DSCAM: variants seen among roughly 807,000 people sequenced by gnomAD.
DSCAM encodes cell adhesion molecule DSCAM.
Under a neutral mutation model 217.7 loss-of-function variants are expected in DSCAM, and 47 were observed. The observed-to-expected ratio is 0.22, with a 90% CI of 0.17 to 0.28. The LOEUF (loss-of-function observed/expected upper bound fraction) is 0.28, where lower values mean the gene tolerates loss of function less well. Ranked by LOEUF, DSCAM falls within the 10% of genes least tolerant of loss-of-function variation. The probability of loss-of-function intolerance (pLI) is 1.00; values close to 1 mark genes in which losing one functional copy is unlikely to be tolerated. For missense variants in DSCAM, 2,080 were observed against 2,618.3 expected (o/e 0.79, Z 4.49); for synonymous variants, 1,056 against 1,015.3 (o/e 1.04, Z -0.76).
chr21:40,837,783 G>A lies in DSCAM; in HGVS notation c.43+8836C>T, dbSNP rs114356185. Among the ~76,000 whole-genome samples, 1,168 of 152,282 alleles carry A rather than the reference G, an allele frequency of 7.7e-3. 23 individuals carry two copies. The highest frequency in any genetic ancestry group is 0.022 in the African/African-American group (897 of 41,560). On this transcript the variant is annotated intron_variant, in intron 1 of 32. Transcript: ENST00000400454. ...GAGTGATAAAGTAGTCATGGTTCCC[G>A]TTTTGCTGGTAGAGGCCATTGTTGT...
intron 8 of DSCAM, among the ~76,000 whole-genome samples, chr21:40,317,894 CAT>C (rs1413466837): frequency 4.6e-5 from 7 of 152,160 alleles, no homozygotes; most frequent in East Asian, 3.9e-4. Flanking sequence ...TGATGATGAA[CAT>C]ATGTTTACAC....
intron 32 of DSCAM, among the ~76,000 whole-genome samples, chr21:40,040,749 A>C (rs2088732176): frequency 6.6e-6 from 1 of 152,238 alleles, no homozygotes; most frequent in South Asian, 2.1e-4. Context: ...CACAGTCACC[A>C]ACGCCATTCC....
chr21:40,143,332 A>G (rs2090315089), intron 17 of DSCAM, among the ~76,000 whole-genome samples: 1 of 152,216 alleles, frequency 6.6e-6, no homozygotes, highest in South Asian at 2.1e-4. Context: ...TGAGACACGC[A>G]TCTTAATGAA....
intron 3 of DSCAM, among the ~76,000 whole-genome samples, chr21:40,547,167 C>A (rs899077296): frequency 6.6e-6 from 1 of 152,168 alleles, no homozygotes; most frequent in Non-Finnish European, 1.5e-5. Flanking sequence ...ACCCCACTGT[C>A]CCCCGGTGTA....
At chr21:40,257,173 TCATA>T (rs1322241773) in intron 11 of DSCAM, among the ~76,000 whole-genome samples, 1 of 152,148 alleles carries the variant, frequency 6.6e-6, no homozygotes, top group African/African-American at 2.4e-5. Context: ...CAGGAACCCC[TCATA>T]CAGGATACAA....
intron 16 of DSCAM, among the ~76,000 whole-genome samples, chr21:40,156,914 GC>G (rs1386696991): frequency 6.6e-6 from 1 of 152,090 alleles, no homozygotes; most frequent in Non-Finnish European, 1.5e-5. Flanking sequence ...GGCGGGAGGG[GC>G]TAGCCTTGTC....
At chr21:40,040,574 G>A (rs1255683986) in intron 32 of DSCAM, among the ~76,000 whole-genome samples, 1 of 134,372 alleles carries the variant, frequency 7.4e-6, no homozygotes, top group East Asian at 2.0e-4. Context: ...GTGGTCACTG[G>A]AGAAAAATAA....
chr21:40,119,908 T>C (rs760514949), intron 20 of DSCAM, among the ~76,000 whole-genome samples: 8 of 152,032 alleles, frequency 5.3e-5, no homozygotes, highest in Non-Finnish European at 1.0e-4. Flanking sequence ...TATACCACTT[T>C]TCCACTCCTT....
At chr21:40,286,130 G>C (rs1488550772) in intron 10 of DSCAM, among the ~76,000 whole-genome samples, 1 of 152,162 alleles carries the variant, frequency 6.6e-6, no homozygotes, top group African/African-American at 2.4e-5. Context: ...GCCTCCACCA[G>C]GTCAGGCTTG....
At chr21:40,750,340 G>C (rs527978599) in intron 1 of DSCAM, among the ~76,000 whole-genome samples, 1 of 152,294 alleles carries the variant, frequency 6.6e-6, no homozygotes, top group African/African-American at 2.4e-5. Context: ...GTGTTTTGCT[G>C]TAGCAGTGAT....
intron 3 of DSCAM, among the ~76,000 whole-genome samples, chr21:40,389,923 G>A (rs747502159): frequency 7.9e-5 from 12 of 152,216 alleles, no homozygotes; most frequent in African/African-American, 9.6e-5. Context: ...CTAAGAGGAC[G>A]TATTGTGTGG....
At chr21:40,617,004 A>G (rs11909442) in intron 3 of DSCAM, among the ~76,000 whole-genome samples, 48,582 of 122,142 alleles carry the variant, frequency 0.4, 10,668 homozygotes, top group East Asian at 0.53. Context: ...GCGACAGAGC[A>G]AGACTCCGTC....
chr21:40,760,397 T>A (rs1383405498), intron 1 of DSCAM, among the ~76,000 whole-genome samples: 1 of 152,178 alleles, frequency 6.6e-6, no homozygotes, highest in African/African-American at 2.4e-5. Context: ...TTTTACATCA[T>A]GAAACTGAGG....
intron 9 of DSCAM, among the ~76,000 whole-genome samples, chr21:40,301,610 T>A (rs2074015657): frequency 6.6e-6 from 1 of 152,222 alleles, no homozygotes; most frequent in African/African-American, 2.4e-5. Flanking sequence ...TTTATTACGC[T>A]CATCTGGTAT....
intron 3 of DSCAM, among the ~76,000 whole-genome samples, chr21:40,405,521 A>G (rs2083432643): frequency 6.6e-6 from 1 of 152,206 alleles, no homozygotes; most frequent in South Asian, 2.1e-4. Flanking sequence ...TCAAACTAAA[A>G]AGCTTCTGCA....
intron 18 of DSCAM, among the ~76,000 whole-genome samples, chr21:40,138,352 G>A (rs1401490507): frequency 1.5e-5 from 2 of 133,296 alleles, no homozygotes; most frequent in Admixed American, 1.8e-4. Flanking sequence ...GGTATATGTT[G>A]TGAGTAGCAT....
chr21:40,133,878 T>A lies in DSCAM; in HGVS notation c.3538A>T (p.Ile1180Phe). The change falls in exon 19 of 33, where the codon ATC (isoleucine) becomes TTC (phenylalanine). Residue 1180 changes from isoleucine to phenylalanine, a missense_variant. Physicochemically the swap from Ile to Phe is conservative, Grantham distance 21. Transcript: ENST00000400454. ...CCATCCTCTTTGGTCCGGGTGAAGA[T>A]CTGCTCACTCCTGACCCCGTCTCCT... ...RAGDGVRSEQ[I>F]FTRTKEDVPG... 6.2e-7 allele frequency: 1 copy of A among 1,610,702 alleles called. No individual in the cohort carries two copies. The highest frequency in any genetic ancestry group is 2.2e-5 in the East Asian group (1 of 44,582).
intron 20 of DSCAM, among the ~76,000 whole-genome samples, chr21:40,120,343 G>A (rs17828614): frequency 0.06 from 9,099 of 152,118 alleles, 342 homozygotes; most frequent in East Asian, 0.093. Context: ...TCTAAGCTCC[G>A]CAAATGAGAT....
chr21:40,772,565 C>T (rs1268471457), intron 1 of DSCAM, among the ~76,000 whole-genome samples: 3 of 152,192 alleles, frequency 2.0e-5, no homozygotes, highest in African/African-American at 7.2e-5. Context: ...GCATAGAGCT[C>T]AGGCAGTTTT....
Sources: gnomAD v4.1 joint callset for allele counts (sites outside exome capture counted in the v4.1 genomes callset) on GRCh38, gnomAD v4.1.1 for gene constraint, MANE v1.5 for transcripts, NCBI Gene and HGNC (gene_info 2026-07-23, HGNC 2026-07-21) for gene names.